BPHL: variants seen among roughly 807,000 people sequenced by gnomAD.
BPHL encodes the protein serine hydrolase BPHL.
In BPHL, 27 loss-of-function variants were observed where a neutral mutation model predicts 31.2. The observed-to-expected ratio is 0.87, with a 90% CI of 0.64 to 1.19. The LOEUF (loss-of-function observed/expected upper bound fraction) is 1.19. Among genes scored for constraint, BPHL ranks in the 50% most tolerant of loss-of-function variants. The pLI, the probability that BPHL is intolerant of heterozygous loss-of-function variation, is 0.00. For synonymous variants in BPHL, 150 were observed against 146.8 expected (o/e 1.02, Z -0.16); for missense variants, 356 against 375.7 (o/e 0.95, Z 0.43).
At chr6:3,143,589 A>T (rs1334440591) in intron 6 of BPHL, among the ~76,000 whole-genome samples, 2 of 152,240 alleles carry the variant, frequency 1.3e-5, no homozygotes, top group African/African-American at 4.8e-5. Context: ...AGCTGCTCAG[A>T]CGACAGCAGT....
At chr6:3,151,540 C>T (rs894690137) in intron 6 of BPHL, among the ~76,000 whole-genome samples, 4 of 152,116 alleles carry the variant, frequency 2.6e-5, no homozygotes, top group Admixed American at 6.5e-5. Context: ...CTCCCTCGCA[C>T]CTACTGAGGT....
At position 3,140,358 on chromosome 6, in the gene BPHL, C is replaced by T. The variant is rs1460699857; in HGVS notation, c.665-28C>T. ...ACCGCGTAGAATGGTTGCACTAAAG[C>T]AGATTCCTCGTGCTGTGTATCCGTC... is the stretch of plus-strand genomic sequence containing the variant. On this transcript the variant is annotated intron_variant, in intron 5 of 6. Transcript: ENST00000380379. This position sits in a 1 kb window ranked among gnomAD's most constrained non-coding sequence, Gnocchi z 5.2. 1 of 1,613,434 alleles carries T rather than the reference C, an allele frequency of 6.2e-7. No individual in the cohort carries two copies. Among genetic ancestry groups the T allele is most frequent in the African/African-American group, 1.3e-5 (1 of 74,900 alleles).
chr6:3,137,604 C>T lies in BPHL; in HGVS notation c.664+111C>T, dbSNP rs2231368. The T allele has an allele frequency of 6.9e-5, 100 of 1,458,224 alleles. 1 individual carries two copies. In the East Asian group the frequency reaches 1.4e-3, roughly 20 times the overall value. The allele number at this position is 1,458,224 out of a possible 1,614,324, so 90.3% of individuals were successfully genotyped here. ...CATGAATCTGCCCATCGCCCTCACA[C>T]GCTCATGTGTGAGCAGAACAGAGAA... On this transcript the variant is annotated intron_variant, in intron 5 of 6. Coordinates refer to ENST00000380379, the MANE Select transcript of BPHL (RefSeq NM_004332.4).
At chr6:3,151,071 C>A (rs1762509395) in intron 6 of BPHL, among the ~76,000 whole-genome samples, 1 of 152,216 alleles carries the variant, frequency 6.6e-6, no homozygotes, top group Admixed American at 6.5e-5. Context: ...CAAATCATAG[C>A]CAGATAGGCT....
Position 3,127,297 on chromosome 6 carries a change from C to A in BPHL, c.267C>A (p.Phe89Leu). The A allele has an allele frequency of 6.2e-7, 1 of 1,607,302 alleles. No homozygotes were observed. Among genetic ancestry groups the A allele is most frequent in the Non-Finnish European group, 8.5e-7 (1 of 1,175,974 alleles). Residue 89 changes from phenylalanine to leucine, a missense_variant, in exon 3 of 7, where the codon TTC becomes TTA. Phe to Leu is a conservative substitution (Grantham distance 22, BLOSUM62 0). Transcript: ENST00000380379. ...PQLKNLNKKLFTVVAWDPRGY... is the reference protein window; with the variant it reads ...PQLKNLNKKLLTVVAWDPRGY... Reference sequence around the variant, plus strand: ...TCAAGAACCTCAATAAGAAGCTCTTCACGGTGGTCGCCTGGGATCCTCGAG... The same window carrying A: ...TCAAGAACCTCAATAAGAAGCTCTTAACGGTGGTCGCCTGGGATCCTCGAG...
chr6:3,123,156 A>G (rs1429826158), intron 1 of BPHL, among the ~76,000 whole-genome samples: 1 of 152,250 alleles, frequency 6.6e-6, no homozygotes, highest in Non-Finnish European at 1.5e-5. Context: ...CACAGTTCAG[A>G]TCGGCAGTCT....
At chr6:3,152,331 T>TAG in intron 6 of BPHL, among the ~76,000 whole-genome samples, 157 bp from the exon 7 acceptor site, 1 of 152,232 alleles carries the variant, frequency 6.6e-6, no homozygotes, top group Non-Finnish European at 1.5e-5. Flanking sequence ...ACTATATTCT[T>TAG]AGGAGATTGA....
intron 4 of BPHL, among the ~76,000 whole-genome samples, chr6:3,135,621 G>A (rs1761998343): frequency 6.6e-6 from 1 of 152,156 alleles, no homozygotes. Context: ...TCTGAGACGA[G>A]CGGACTTTTG....
intron 4 of BPHL, among the ~76,000 whole-genome samples, chr6:3,132,573 G>A (rs1761903321): frequency 6.6e-6 from 1 of 152,124 alleles, no homozygotes; most frequent in Admixed American, 6.5e-5. Flanking sequence ...GCTCACACCT[G>A]TAATCCCAGC....
rs553884889 is a variant in BPHL at position 3,118,890 on chromosome 6, C to A, written c.107+43C>A. The A allele has an allele frequency of 3.1e-5, 38 of 1,223,898 alleles. 1 individual carries two copies. The highest frequency in any genetic ancestry group is 4.2e-5 in the Admixed American group (1 of 23,642). 75.8% of individuals were successfully genotyped at this position (1,223,898 alleles called of 1,614,324 possible). ...GCCCCGGGGATCCCCAGCATCGGCG[C>A]GCTCGAGGGGCGGCGGGAGGGGCGC... On this transcript the variant is annotated intron_variant, in intron 1 of 6. Transcript: ENST00000380379.
intron 6 of BPHL, among the ~76,000 whole-genome samples, chr6:3,152,045 C>T (rs1762538367): frequency 6.6e-6 from 1 of 152,236 alleles, no homozygotes; most frequent in African/African-American, 2.4e-5. Context: ...CCCACTACAT[C>T]AACACGCCAA....
At chr6:3,119,654 A>G (rs1761505110) in intron 1 of BPHL, 1 of 1,171,852 alleles carries the variant, frequency 8.5e-7, no homozygotes, top group Admixed American at 2.1e-5. Context: ...ATACATCCCT[A>G]CACACATGCA....
At position 3,129,101 on chromosome 6, in the gene BPHL, A is replaced by AC. The variant is rs767706371; in HGVS notation, c.436dup (p.Leu146ProfsTer25). 1 of 1,613,850 alleles carries AC rather than the reference A, an allele frequency of 6.2e-7. No individual in the cohort carries two copies. Among genetic ancestry groups the AC allele is most frequent in the Non-Finnish European group, 8.5e-7 (1 of 1,179,938 alleles). The stretch of plus-strand genomic sequence containing the variant: ...GGTGGAGTGATGGGGGCATAACCGC[A>AC]CTCATTGCTGCTGCAAAATATCCAT... On this transcript the variant is annotated frameshift_variant, in exon 4 of 7. Coordinates refer to ENST00000380379, the MANE Select transcript of BPHL (RefSeq NM_004332.4). LOFTEE classifies it high-confidence loss of function.
At chr6:3,144,115 T>C (rs910351261) in intron 6 of BPHL, among the ~76,000 whole-genome samples, 3 of 152,260 alleles carry the variant, frequency 2.0e-5, no homozygotes, top group African/African-American at 7.2e-5. Context: ...TTGCCCAGGC[T>C]GGAGTGCAGT....
chr6:3,148,300 G>T (rs1159651306), intron 6 of BPHL, among the ~76,000 whole-genome samples: 1 of 152,234 alleles, frequency 6.6e-6, no homozygotes, highest in Non-Finnish European at 1.5e-5. Flanking sequence ...AGGGAAGGAA[G>T]GGCCTCTTTC....
At chr6:3,134,694 C>G (rs1031035423) in intron 4 of BPHL, among the ~76,000 whole-genome samples, 5 of 151,816 alleles carry the variant, frequency 3.3e-5, no homozygotes, top group Non-Finnish European at 7.4e-5. Flanking sequence ...ACTCCGCCTC[C>G]TGTGTTCACG....
chr6:3,138,722 A>T (rs1762082283), intron 5 of BPHL: 1 of 152,264 alleles, frequency 6.6e-6, no homozygotes, highest in African/African-American at 2.4e-5. Context: ...AAACAAAAAA[A>T]TGCCATGAAA....
At chr6:3,145,432 A>AGGGTGGAGCGCTGGTTCG (rs1273966418) in intron 6 of BPHL, among the ~76,000 whole-genome samples, 1 of 13,390 alleles carries the variant, frequency 7.5e-5, no homozygotes, top group Non-Finnish European at 1.5e-4. Context: ...GTGCTGGTTC[A>AGGGTGGAGCGCTGGTTCG]GGGTGGAGCG....
intron 1 of BPHL, 31 bp from the exon 2 acceptor site, chr6:3,123,626 C>T (rs1761633286): frequency 2.5e-6 from 4 of 1,588,676 alleles, no homozygotes; most frequent in African/African-American, 1.3e-5. Flanking sequence ...CTCCCCTTTC[C>T]CCCTGTGGGG....
Sources: allele counts gnomAD v4.1 joint callset (sites outside exome capture counted in the v4.1 genomes callset), GRCh38; gene constraint gnomAD v4.1.1; non-coding constraint Gnocchi (gnomAD v3.1); transcripts MANE v1.5; gene names NCBI Gene and HGNC (gene_info 2026-07-23, HGNC 2026-07-21).